Variants in MCF2L observed in about 807,000 individuals in gnomAD.
The protein encoded by MCF2L is MCF.2 cell line derived transforming sequence like.
MCF2L carries 97 observed loss-of-function variants against 153.4 expected under a neutral mutation model. The observed-to-expected ratio is 0.63, with a 90% CI of 0.54 to 0.75. The LOEUF (loss-of-function observed/expected upper bound fraction) is 0.75. MCF2L is among the 30% of genes least tolerant of loss of function. The probability of loss-of-function intolerance (pLI) is 0.00; values close to 1 mark genes in which losing one functional copy is unlikely to be tolerated. For synonymous variants in MCF2L, 659 were observed against 632.2 expected, an observed-to-expected ratio of 1.04 and a Z score of -0.64; for missense variants, 1,347 against 1,495.2, an observed-to-expected ratio of 0.90 and a Z score of 1.64.
At chr13:113,090,319 C>T in intron 26 of MCF2L, 1 of 1,210,170 alleles carries the variant, frequency 8.3e-7, no homozygotes, top group Non-Finnish European at 1.0e-6. Context: ...CGCGCACAGA[C>T]ACCAGAGTTA....
chr13:112,972,951 CG>C (rs2140844043), intron 1 of MCF2L, among the ~76,000 whole-genome samples: 1 of 150,734 alleles, frequency 6.6e-6, no homozygotes, highest in African/African-American at 2.4e-5. Context: ...CACAGCAGCA[CG>C]GAGGGGCTTT....
chr13:113,045,830 G>A lies in MCF2L; in HGVS notation c.369+469G>A. 1 of 184,538 alleles carries A rather than the reference G, an allele frequency of 5.4e-6. No individual in the cohort carries two copies. The highest frequency in any genetic ancestry group is 1.3e-4 in the South Asian group (1 of 7,812). 11.4% of individuals were successfully genotyped at this position (184,538 alleles called of 1,614,324 possible). A position where few individuals can be genotyped will look rare whatever the true frequency, so the allele number is the denominator to read the frequency against. The stretch of plus-strand genomic sequence containing the variant: ...ACAACAGTCCTGACCAGGCAGGACG[G>A]GGGCTGTGTGCAGAGACGCTCCAGG... On this transcript the variant is annotated intron_variant, in intron 4 of 29. Transcript: ENST00000535094. This position sits in a 1 kb window ranked among gnomAD's most constrained non-coding sequence, Gnocchi z 4.2.
intron 15 of MCF2L, among the ~76,000 whole-genome samples, chr13:113,080,750 G>A (rs2034051186): frequency 6.6e-6 from 1 of 152,186 alleles, no homozygotes; most frequent in East Asian, 1.9e-4. Context: ...GGCCACGAGG[G>A]GCCACACAGA....
At chr13:112,921,369 TAA>T (rs1041830726) in intron 2 of MCF2L, among the ~76,000 whole-genome samples, 3 of 152,220 alleles carry the variant, frequency 2.0e-5, no homozygotes, top group Non-Finnish European at 4.4e-5. Context: ...CCTCCATTGA[TAA>T]AGTCTGAGAT....
At chr13:112,953,995 G>A (rs928974391) in intron 2 of MCF2L, among the ~76,000 whole-genome samples, 1 of 152,236 alleles carries the variant, frequency 6.6e-6, no homozygotes, top group Non-Finnish European at 1.5e-5. Context: ...CTCTGAGAAC[G>A]CTGTGGCATG....
At chr13:112,963,304 TCTC>T (rs1424527449) in intron 2 of MCF2L, among the ~76,000 whole-genome samples, 3 of 152,218 alleles carry the variant, frequency 2.0e-5, no homozygotes, top group Admixed American at 2.0e-4. Context: ...GCAGATTCCT[TCTC>T]CTCCTCTGGC....
chr13:112,912,106 G>T (rs560619486), intron 2 of MCF2L, among the ~76,000 whole-genome samples: 4 of 152,154 alleles, frequency 2.6e-5, no homozygotes, highest in Non-Finnish European at 4.4e-5. Flanking sequence ...CCATCCCCGG[G>T]CCCAGCAGTC....
intron 2 of MCF2L, among the ~76,000 whole-genome samples, chr13:112,911,889 G>T (rs1173184816): frequency 6.6e-6 from 1 of 152,232 alleles, no homozygotes; most frequent in African/African-American, 2.4e-5. Context: ...AGGAAAAGAG[G>T]TTCTGTTTAG....
At chr13:112,940,196 G>T (rs1309945391) in intron 2 of MCF2L, among the ~76,000 whole-genome samples, 1 of 152,096 alleles carries the variant, frequency 6.6e-6, no homozygotes, top group Non-Finnish European at 1.5e-5. Context: ...TAAATATTTT[G>T]TCCTTAAAAA....
chr13:113,064,273 AAC>A lies in MCF2L; in HGVS notation c.490-28_490-27del, dbSNP rs759318889. The A allele has an allele frequency of 6.6e-6, 10 of 1,512,342 alleles. No individual in the cohort carries two copies. The African/African-American group carries it at 1.2e-4, about 19-fold the overall frequency. The allele number at this position is 1,512,342 out of a possible 1,614,324, so 93.7% of individuals were successfully genotyped here. On this transcript the variant is annotated intron_variant, in intron 5 of 29. Coordinates refer to ENST00000535094, the MANE Select transcript of MCF2L (RefSeq NM_001112732.3). This position sits in a 1 kb window ranked among gnomAD's most constrained non-coding sequence, Gnocchi z 6.0. The stretch of plus-strand genomic sequence containing the variant: ...CTTTTGGGAGCCAACAATAATCCCA[AAC>A]ACTACCACGCATTCCCTTTCTCCTC...
At chr13:113,093,278 C>T (rs2035374594) in intron 26 of MCF2L, among the ~76,000 whole-genome samples, 1 of 152,244 alleles carries the variant, frequency 6.6e-6, no homozygotes, top group South Asian at 2.1e-4. Context: ...AATCACAGTC[C>T]TCAATTCTCA....
intron 2 of MCF2L, among the ~76,000 whole-genome samples, chr13:112,908,739 T>G (rs978421724): frequency 1.8e-4 from 11 of 60,682 alleles, no homozygotes; most frequent in Non-Finnish European, 3.3e-4. Flanking sequence ...TTGGTTTTTT[T>G]TTGTTTTTTT....
intron 2 of MCF2L, among the ~76,000 whole-genome samples, chr13:112,929,649 C>T (rs1472645287): frequency 6.6e-6 from 1 of 152,236 alleles, no homozygotes; most frequent in African/African-American, 2.4e-5. Context: ...GGTGGAGCTC[C>T]AGACCCTGGC....
intron 2 of MCF2L, among the ~76,000 whole-genome samples, chr13:112,930,056 C>T (rs112414406): frequency 0.01 from 1,530 of 152,308 alleles, 12 homozygotes; most frequent in Middle Eastern, 0.034. Flanking sequence ...AACCTCACAA[C>T]GCCTGGTACT....
In MCF2L at chr13:112,951,320, A is replaced by G. The variant is rs2081690922; in HGVS notation, c.169+48949A>G. Among the ~76,000 whole-genome samples the G allele has an allele frequency of 2.0e-5, 3 of 152,250 alleles. No individual in the cohort carries two copies. The highest frequency in any genetic ancestry group is 4.8e-5 in the African/African-American group (2 of 41,546). ...AGTTTCTTTTAAAACAAAATATGCA[A>G]CTCTCATATGACCCAGCAATTGCAC... On this transcript the variant is annotated intron_variant, in intron 2 of 29. Coordinates refer to the MCF2L transcript ENST00000375608. The surrounding 1 kb of genome is among the most constrained non-coding windows in gnomAD (Gnocchi z 4.8).
At chr13:112,981,376 C>T (rs980370894) in intron 1 of MCF2L, among the ~76,000 whole-genome samples, 1 of 152,192 alleles carries the variant, frequency 6.6e-6, no homozygotes, top group Non-Finnish European at 1.5e-5. Flanking sequence ...TGTTGGGAGA[C>T]GCGATGAGAG....
intron 29 of MCF2L, 44 bp downstream of exon 29, chr13:113,096,697 G>A: frequency 7.1e-6 from 11 of 1,556,898 alleles, no homozygotes; most frequent in Non-Finnish European, 9.5e-6. Context: ...GCTGCCAAGG[G>A]CCCGGGCGAG....
intron 3 of MCF2L, among the ~76,000 whole-genome samples, chr13:113,036,241 A>G (rs567841811): frequency 2.0e-5 from 3 of 152,204 alleles, no homozygotes; most frequent in Admixed American, 6.5e-5. Context: ...TGACGCCACC[A>G]TTCTCTTTTA....
rs763097553 is a variant in MCF2L at position 113,046,506 on chromosome 13, G to A, written c.369+1145G>A. Reference sequence around the variant, plus strand: ...TACCTTTGGGTTCCCCAGCCTCTCGGTGGCTGCTGGCTGGTGCGCCAAGGT... The same window carrying A: ...TACCTTTGGGTTCCCCAGCCTCTCGATGGCTGCTGGCTGGTGCGCCAAGGT... On this transcript the variant is annotated intron_variant, in intron 4 of 29. Transcript: ENST00000535094. The surrounding 1 kb of genome is among the most constrained non-coding windows in gnomAD (Gnocchi z 4.4). 2 of 528,932 alleles carry A rather than the reference G, an allele frequency of 3.8e-6. No individual in the cohort carries two copies. The highest frequency in any genetic ancestry group is 7.7e-6 in the Non-Finnish European group (2 of 258,178). The allele number at this position is 528,932 out of a possible 1,614,324, so 32.8% of individuals were successfully genotyped here. A position where few individuals can be genotyped will look rare whatever the true frequency, so the allele number is the denominator to read the frequency against.
Sources: gnomAD v4.1 joint callset for allele counts (sites outside exome capture counted in the v4.1 genomes callset) on GRCh38, gnomAD v4.1.1 for gene constraint, Gnocchi (gnomAD v3.1) non-coding constraint, MANE v1.5 for transcripts, NCBI Gene and HGNC (gene_info 2026-07-23, HGNC 2026-07-21) for gene names.